Variants in SNTA1 observed in about 807,000 individuals in gnomAD.
SNTA1 encodes alpha-1-syntrophin.
SNTA1 carries 31 observed loss-of-function variants against 47.1 expected under a neutral mutation model. The ratio of observed to expected loss-of-function variants is 0.66; its 90% CI spans 0.49 to 0.89. SNTA1 has a LOEUF of 0.89. SNTA1 is among the 40% of genes least tolerant of loss of function. SNTA1 has a pLI of 0.00. For missense variants in SNTA1, 575 were observed against 693.0 expected (o/e 0.83, Z 1.91); for synonymous variants, 300 against 313.6 (o/e 0.96, Z 0.46).
intron 3 of SNTA1, among the ~76,000 whole-genome samples, chr20:33,414,419 C>T (rs986741668): frequency 1.3e-5 from 2 of 151,702 alleles, no homozygotes; most frequent in Non-Finnish European, 2.9e-5. Flanking sequence ...AGGGCAAAAC[C>T]CCATCTCCTC....
chr20:33,412,891 G>A, intron 3 of SNTA1, 109 bp from the exon 4 acceptor site: 2 of 753,654 alleles, frequency 2.7e-6, no homozygotes, highest in Non-Finnish European at 4.6e-6. Context: ...CCAGGGGGAT[G>A]TCCGTGAGAG....
intron 2 of SNTA1, among the ~76,000 whole-genome samples, chr20:33,434,021 A>C (rs934954564): frequency 1.3e-5 from 2 of 152,144 alleles, no homozygotes; most frequent in Non-Finnish European, 2.9e-5. Flanking sequence ...AAAAATATCC[A>C]GTTGCCTTGC....
chr20:33,442,502 CAGT>C (rs1399374295), intron 1 of SNTA1, among the ~76,000 whole-genome samples: 2 of 152,160 alleles, frequency 1.3e-5, no homozygotes, highest in African/African-American at 2.4e-5. Context: ...CCGCTAACAG[CAGT>C]AATTAACTAG....
intron 3 of SNTA1, among the ~76,000 whole-genome samples, chr20:33,414,132 G>A (rs1414257597): frequency 1.3e-5 from 2 of 150,096 alleles, no homozygotes; most frequent in Non-Finnish European, 3.0e-5. Flanking sequence ...CAGCTACTAG[G>A]GAGGCTGAGG....
intron 5 of SNTA1, among the ~76,000 whole-genome samples, chr20:33,410,800 T>A (rs1253581669): frequency 6.6e-6 from 1 of 152,204 alleles, no homozygotes; most frequent in Non-Finnish European, 1.5e-5. Flanking sequence ...TGACTGTCTT[T>A]TTCACTAGAA....
At chr20:33,433,801 C>T (rs747654218) in intron 2 of SNTA1, among the ~76,000 whole-genome samples, 1 of 152,184 alleles carries the variant, frequency 6.6e-6, no homozygotes. Flanking sequence ...GTCACAAACA[C>T]ACCCCTCTGG....
intron 2 of SNTA1, among the ~76,000 whole-genome samples, chr20:33,436,859 G>A (rs531469474): frequency 4.6e-5 from 7 of 151,238 alleles, no homozygotes; most frequent in East Asian, 1.9e-4. Context: ...CCAGCTACTC[G>A]GAAGGCTAAG....
chr20:33,408,389 G>A lies in SNTA1; in HGVS notation c.*118C>T, dbSNP rs1052081258. The A allele has an allele frequency of 2.7e-5, 21 of 769,270 alleles. No individual in the cohort carries two copies. Among genetic ancestry groups the A allele is most frequent in the Non-Finnish European group, 4.8e-5 (21 of 433,642 alleles). 47.7% of individuals were successfully genotyped at this position (769,270 alleles called of 1,614,324 possible). ...TCTCCCTCAGGGTTGGGGTTTCGGAGGCCCTTGTTCCTCTCCTCTCCCTTC... is the reference window on the plus strand; with the variant it reads ...TCTCCCTCAGGGTTGGGGTTTCGGAAGCCCTTGTTCCTCTCCTCTCCCTTC... On this transcript the variant is annotated 3_prime_UTR_variant, in exon 8 of 8. Coordinates refer to ENST00000217381, the MANE Select transcript of SNTA1 (RefSeq NM_003098.3).
At position 33,417,875 on chromosome 20, in the gene SNTA1, C is replaced by T; in HGVS notation, c.545G>A (p.Gly182Glu). 6.2e-7 allele frequency: 1 copy of T among 1,614,102 alleles called. No homozygotes were observed. Among genetic ancestry groups the T allele is most frequent in the Non-Finnish European group, 8.5e-7 (1 of 1,180,006 alleles). The stretch of plus-strand genomic sequence containing the variant: ...AGGTGAGTCCCAGCCGACCGAGGTC[C>T]CACCAGTAGAGTTCTTGAAATACGG... ...VSPYFKNSTG[G>E]TSVGWDSPPA... is the part of the protein sequence containing the mutation. The change falls in exon 3 of 8, where the codon GGG (glycine) becomes GAG (glutamate). Residue 182 changes from glycine (G) to glutamate (E), a missense_variant. Gly to Glu is a moderately conservative substitution (Grantham distance 98). Transcript: ENST00000217381.
At chr20:33,433,890 G>A (rs1387416173) in intron 2 of SNTA1, among the ~76,000 whole-genome samples, 4 of 152,164 alleles carry the variant, frequency 2.6e-5, no homozygotes, top group Non-Finnish European at 4.4e-5. Flanking sequence ...TGGGGTTGCT[G>A]AGGCTCAGCT....
chr20:33,414,245 C>CAAAAAAAAATAAAAAAAAAAAAAA (rs1989816982), intron 3 of SNTA1, among the ~76,000 whole-genome samples: 1 of 29,254 alleles, frequency 3.4e-5, no homozygotes, highest in Non-Finnish European at 7.7e-5. Context: ...TCTCAAAAAC[C>CAAAAAAAAATAAAAAAAAAAAAAA]AAAAAAAAAA....
chr20:33,438,058 T>C (rs1990485421), intron 2 of SNTA1, among the ~76,000 whole-genome samples: 1 of 152,214 alleles, frequency 6.6e-6, no homozygotes, highest in Non-Finnish European at 1.5e-5. Context: ...CTCAGCACTT[T>C]GGGAGACTGA....
Position 33,408,740 on chromosome 20 carries a change from A to G in SNTA1, c.1386T>C (p.Ser462=), listed in dbSNP as rs1335638175. ...KLQMSSDDGA[S]LLFLDFGGAE... The stretch of plus-strand genomic sequence containing the variant: ...CACCTCCAAAATCCAGGAAAAGGAG[A>G]CTGGCACCGTCATCTGAAGACATCT... Residue 462 remains serine (S), a synonymous_variant, in exon 7 of 8, where the codon AGT becomes AGC. Coordinates refer to ENST00000217381, the MANE Select transcript of SNTA1 (RefSeq NM_003098.3). The G allele has an allele frequency of 7.4e-6, 12 of 1,613,984 alleles. No individual in the cohort carries two copies. Among genetic ancestry groups the G allele is most frequent in the Non-Finnish European group, 1.0e-5 (12 of 1,180,030 alleles).
At chr20:33,409,035 C>A (rs1989673190) in intron 6 of SNTA1, 147 bp from the exon 7 acceptor site, 6 of 721,264 alleles carry the variant, frequency 8.3e-6, no homozygotes, top group Non-Finnish European at 1.2e-5. Context: ...AGTACACCCA[C>A]CCTGCAGAGA....
chr20:33,424,798 C>G (rs1990123092), intron 2 of SNTA1, among the ~76,000 whole-genome samples: 1 of 150,786 alleles, frequency 6.6e-6, no homozygotes, highest in Admixed American at 6.6e-5. Context: ...CAGGTTTGAG[C>G]CACCGTGCCT....
chr20:33,440,683 C>A (rs981239444), intron 1 of SNTA1, among the ~76,000 whole-genome samples: 1 of 150,922 alleles, frequency 6.6e-6, no homozygotes, highest in Non-Finnish European at 1.5e-5. Flanking sequence ...CCAGGCATGG[C>A]GGTGTGTGCC....
chr20:33,408,324 C>CT lies in SNTA1; in HGVS notation c.*182dup. 1 of 644,984 alleles carries CT rather than the reference C, an allele frequency of 1.6e-6. No homozygotes were observed. The allele number at this position is 644,984 out of a possible 1,614,324, so 40.0% of individuals were successfully genotyped here. On this transcript the variant is annotated 3_prime_UTR_variant, in exon 8 of 8. Transcript: ENST00000217381. Reference sequence around the variant, plus strand: ...CACCCCATCACAGGCAGAGTCCACTCTGTCCTGCGTCTGGGTCCTGGGCCC... The same window carrying CT: ...CACCCCATCACAGGCAGAGTCCACTCTTGTCCTGCGTCTGGGTCCTGGGCCC...
At chr20:33,423,271 G>A (rs1287375463) in intron 2 of SNTA1, among the ~76,000 whole-genome samples, 2 of 152,266 alleles carry the variant, frequency 1.3e-5, no homozygotes, top group East Asian at 1.9e-4. Context: ...GTCCCAGAGT[G>A]GGGGTGGGGT....
chr20:33,409,137 G>T (rs955630167), intron 6 of SNTA1, among the ~76,000 whole-genome samples: 2 of 152,148 alleles, frequency 1.3e-5, no homozygotes, highest in Non-Finnish European at 2.9e-5. Flanking sequence ...ATGTGCCATG[G>T]ACAGGAGGCT....
Sources: gnomAD v4.1 joint callset for allele counts (sites outside exome capture counted in the v4.1 genomes callset) on GRCh38, gnomAD v4.1.1 for gene constraint, MANE v1.5 for transcripts, NCBI Gene and HGNC (gene_info 2026-07-23, HGNC 2026-07-21) for gene names.